The following SART3 variants were observed in gnomAD, a reference collection of about 807,000 sequenced individuals.
The protein encoded by SART3 is spliceosome associated factor 3, U4/U6 recycling protein.
In SART3, 44 loss-of-function variants were observed where a neutral mutation model predicts 122.3. That is an observed-to-expected ratio of 0.36 (90% CI 0.28 to 0.46). The LOEUF is 0.46. Among genes scored for constraint, SART3 ranks in the 20% least tolerant of loss-of-function variants. The pLI is 1.00. For missense variants in SART3, 1,101 were observed against 1,229.0 expected, an observed-to-expected ratio of 0.90 and a Z score of 1.56; for synonymous variants, 442 against 454.0, an observed-to-expected ratio of 0.97 and a Z score of 0.34.
rs1401892216 is a variant in SART3, at chr12:108,531,208, A to G, written c.1742T>C (p.Met581Thr). The G allele has an allele frequency of 1.9e-6, 3 of 1,613,830 alleles. No homozygotes were observed. The highest frequency in any genetic ancestry group is 2.5e-6 in the Non-Finnish European group (3 of 1,179,762). ...TRLARVNEQR[M>T]KAAEKEAALV... is the part of the protein sequence containing the mutation. Reference sequence around the variant, plus strand: ...GACTTCAAACATTGTCATTACCTTCATTCTCTGCTCATTGACACGAGCTAA... The same window carrying G: ...GACTTCAAACATTGTCATTACCTTCGTTCTCTGCTCATTGACACGAGCTAA... Residue 581 changes from methionine (M) to threonine (T), a missense_variant, in exon 14 of 19, where the codon ATG (methionine) becomes ACG (threonine). Around this residue, in one of 2 missense-constraint regions of SART3, gnomAD observed 885 missense variants for 1,080.1 expected, o/e 0.82. Coordinates refer to ENST00000546815, the MANE Select transcript of SART3 (RefSeq NM_014706.4).
At chr12:108,553,063 T>C (rs2030074748) in intron 1 of SART3, among the ~76,000 whole-genome samples, 1 of 151,718 alleles carries the variant, frequency 6.6e-6, no homozygotes, top group Admixed American at 6.6e-5. Context: ...ACAAACGCAA[T>C]GCAACAGAGG....
chr12:108,555,363 T>C (rs1291041247), intron 1 of SART3, among the ~76,000 whole-genome samples: 7 of 152,262 alleles, frequency 4.6e-5, no homozygotes, highest in East Asian at 1.9e-4. Flanking sequence ...TTAAACTTGA[T>C]TGAAAGATAT....
Position 108,524,433 on chromosome 12 carries a change from ATAG to A in SART3, c.2594_2596del (p.Thr865del). 1 of 1,614,100 alleles carries A rather than the reference ATAG, an allele frequency of 6.2e-7. No homozygotes were observed. Among genetic ancestry groups the A allele is most frequent in the Non-Finnish European group, 8.5e-7 (1 of 1,180,002 alleles). The stretch of plus-strand genomic sequence containing the variant: ...TGCCACTTTGATGATGTTCTCTTTG[ATAG>A]TCATGCCGTCCATCTTCATCACAGC... On this transcript the variant is annotated inframe_deletion, in exon 18 of 19. Transcript: ENST00000546815.
At chr12:108,547,353 G>C (rs1013855443) in intron 3 of SART3, among the ~76,000 whole-genome samples, 4 of 150,774 alleles carry the variant, frequency 2.7e-5, no homozygotes, top group African/African-American at 9.8e-5. Flanking sequence ...GTGGTTAGAT[G>C]AATCTACACA....
At chr12:108,554,136 G>T (rs753067148) in intron 1 of SART3, 1 of 119,826 alleles carries the variant, frequency 8.3e-6, no homozygotes, top group African/African-American at 3.1e-5. Flanking sequence ...GGGCGCCCCC[G>T]GCCCCCCTCC....
At chr12:108,534,690 A>G (rs778630333) in intron 12 of SART3, among the ~76,000 whole-genome samples, 41 of 152,198 alleles carry the variant, frequency 2.7e-4, no homozygotes, top group Non-Finnish European at 4.9e-4. Context: ...CGAAAAAAGA[A>G]AAGAAACTGT....
At position 108,526,355 on chromosome 12, in the gene SART3, G is replaced by A; in HGVS notation, c.2114C>T (p.Thr705Ile). ...VLHDSSKDSI[T>I]VFVSNLPYSM... ...GTAGGGCAGGTTGCTGACAAAGACG[G>A]TGATGCTGTCCTTGCTGCTGTCGTG... Residue 705 changes from threonine to isoleucine, a missense_variant, in exon 16 of 19, where the codon ACC (threonine) becomes ATC (isoleucine). Coordinates refer to ENST00000546815, the MANE Select transcript of SART3 (RefSeq NM_014706.4). The A allele has an allele frequency of 1.2e-6, 2 of 1,613,970 alleles. No individual in the cohort carries two copies. The highest frequency in any genetic ancestry group is 1.7e-6 in the Non-Finnish European group (2 of 1,179,836).
At chr12:108,556,928 C>T (rs1396675838) in intron 1 of SART3, among the ~76,000 whole-genome samples, 33 of 152,150 alleles carry the variant, frequency 2.2e-4, no homozygotes, top group Admixed American at 2.2e-3. Flanking sequence ...ATGCAAGTGC[C>T]CCTCACATGA....
chr12:108,550,013 CAAAAAAAAAA>C (rs10572379), intron 1 of SART3, among the ~76,000 whole-genome samples: 3 of 88,244 alleles, frequency 3.4e-5, no homozygotes, highest in African/African-American at 8.9e-5. Flanking sequence ...GACCCAATCT[CAAAAAAAAAA>C]AAAAAAAAAA....
Position 108,523,426 on chromosome 12 carries a change from G to C in SART3, c.*31C>G. ...GGGAGGTCCGCCGGGCCAGAGTGAA[G>C]TAAGGCATTTCCTGTCTCCCAGCGT... On this transcript the variant is annotated 3_prime_UTR_variant, in exon 19 of 19. Coordinates refer to ENST00000546815, the MANE Select transcript of SART3 (RefSeq NM_014706.4). 1 of 1,610,524 alleles carries C rather than the reference G, an allele frequency of 6.2e-7. No individual in the cohort carries two copies. Among genetic ancestry groups the C allele is most frequent in the Non-Finnish European group, 8.5e-7 (1 of 1,178,492 alleles).
rs775723855 is a variant in SART3, at chr12:108,545,157, C to T, written c.711G>A (p.Ala237=). Reference sequence around the variant, plus strand: ...TACTCACCCGAGCAGCTTCCACAATCGCACTTTCAAACTCTCGGTAAGCCT... The same window carrying T: ...TACTCACCCGAGCAGCTTCCACAATTGCACTTTCAAACTCTCGGTAAGCCT... ...LWEAYREFES[A]IVEAARLEKV... Residue 237 remains alanine, a synonymous_variant, in exon 4 of 19, where the codon GCG becomes GCA. Coordinates refer to ENST00000546815, the MANE Select transcript of SART3 (RefSeq NM_014706.4). The T allele has an allele frequency of 1.9e-6, 3 of 1,614,066 alleles. No homozygotes were observed. The highest frequency in any genetic ancestry group is 1.3e-5 in the African/African-American group (1 of 74,998).
At chr12:108,547,804 C>T (rs1282186893) in intron 3 of SART3, 83 bp downstream of exon 3, 2 of 994,756 alleles carry the variant, frequency 2.0e-6, no homozygotes, top group Non-Finnish European at 3.1e-6. Flanking sequence ...TTCTGGGTAG[C>T]AACATCTCAT....
chr12:108,545,217 A>G lies in SART3; in HGVS notation c.651T>C (p.Val217=). The G allele has an allele frequency of 6.2e-7, 1 of 1,614,198 alleles. No individual in the cohort carries two copies. The highest frequency in any genetic ancestry group is 8.5e-7 in the Non-Finnish European group (1 of 1,180,036). Residue 217 remains valine (V), a synonymous_variant, in exon 4 of 19, where the codon GTT becomes GTC. Transcript: ENST00000546815. ...RSVFERALSS[V]GLHMTKGLAL... is the part of the protein sequence containing the mutation. The stretch of plus-strand genomic sequence containing the variant: ...CGAGTCCTTTGGTCATATGTAAACC[A>G]ACAGACGAGAGAGCCCTTTCAAACA...
At chr12:108,538,323 T>C (rs972273169) in intron 7 of SART3, 120 bp from the exon 8 acceptor site, 2 of 1,214,260 alleles carry the variant, frequency 1.6e-6, no homozygotes, top group African/African-American at 1.5e-5. Flanking sequence ...TCTTGTGACC[T>C]GGTTTCCTCA....
At chr12:108,537,641 A>G in intron 8 of SART3, 46 bp from the exon 9 acceptor site, 2 of 1,426,544 alleles carry the variant, frequency 1.4e-6, no homozygotes, top group Non-Finnish European at 2.0e-6. Flanking sequence ...TCAAATGGAA[A>G]CTAATAGAAA....
intron 1 of SART3, among the ~76,000 whole-genome samples, chr12:108,550,776 T>C (rs10778645): frequency 0.74 from 112,754 of 152,086 alleles, 43,679 homozygotes; most frequent in East Asian, 0.93. Context: ...ACAGGAGAAT[T>C]GCTTGAACCC....
At chr12:108,555,633 C>G (rs1232483753) in intron 1 of SART3, among the ~76,000 whole-genome samples, 3 of 152,162 alleles carry the variant, frequency 2.0e-5, no homozygotes, top group African/African-American at 7.2e-5. Flanking sequence ...CCACTGTACT[C>G]CAGCCTGGGA....
Position 108,545,280 on chromosome 12 carries a change from C to A in SART3, c.588G>T (p.Gly196=). Residue 196 remains glycine, a synonymous_variant, in exon 4 of 19, where the codon GGG becomes GGT. Coordinates refer to ENST00000546815, the MANE Select transcript of SART3 (RefSeq NM_014706.4). The part of the protein sequence containing the change: ...WLEYGQYSVG[G]IGQKGGLEKV... ...TCTCAAGGCCACCTTTCTGACCAAT[C>A]CCACCAACTGAGTACTGGCCATACT... The A allele has an allele frequency of 6.2e-7, 1 of 1,614,170 alleles. No homozygotes were observed. The highest frequency in any genetic ancestry group is 1.1e-5 in the South Asian group (1 of 91,074).
chr12:108,526,331 T>C lies in SART3; in HGVS notation c.2138A>G (p.Tyr713Cys). 6.2e-7 allele frequency: 1 copy of C among 1,614,094 alleles called. No homozygotes were observed. The highest frequency in any genetic ancestry group is 8.5e-7 in the Non-Finnish European group (1 of 1,179,942). Reference sequence around the variant, plus strand: ...CTTCGTGTCCGGCTCCTGCATGCTGTAGGGCAGGTTGCTGACAAAGACGGT... The same window carrying C: ...CTTCGTGTCCGGCTCCTGCATGCTGCAGGGCAGGTTGCTGACAAAGACGGT... ...SITVFVSNLP[Y>C]SMQEPDTKLR... The change falls in exon 16 of 19, where the codon TAC becomes TGC. Residue 713 changes from tyrosine (Y) to cysteine (C), a missense_variant. By Grantham distance (194) the Tyr-to-Cys change is radical. This residue lies in a region of SART3 where 885 missense variants were observed against 1,080.1 expected (regional missense o/e 0.82). Coordinates refer to ENST00000546815, the MANE Select transcript of SART3 (RefSeq NM_014706.4).
Sources: allele counts gnomAD v4.1 joint callset (sites outside exome capture counted in the v4.1 genomes callset), GRCh38; gene constraint gnomAD v4.1.1; regional missense constraint gnomAD v4.1.1; transcripts MANE v1.5; gene names NCBI Gene and HGNC (gene_info 2026-07-23, HGNC 2026-07-21).